REDIC1: variants seen among roughly 807,000 people sequenced by gnomAD.
REDIC1 encodes HEI10 Interacting Protein 1.
the REDIC1 span, among the ~76,000 whole-genome samples, chr12:39,814,718 T>C: frequency 6.6e-6 from 1 of 152,176 alleles, no homozygotes; most frequent in East Asian, 1.9e-4. Flanking sequence ...ACCCTGCCTA[T>C]CCTTCAAGGC....
chr12:39,775,950 C>T, the REDIC1 span, among the ~76,000 whole-genome samples: 1 of 152,172 alleles, frequency 6.6e-6, no homozygotes, highest in Non-Finnish European at 1.5e-5. Flanking sequence ...ATCATGTCAG[C>T]ACTCAAAAAG....
At chr12:39,663,387 T>C in the REDIC1 span, among the ~76,000 whole-genome samples, 1 of 152,072 alleles carries the variant, frequency 6.6e-6, no homozygotes, top group Non-Finnish European at 1.5e-5. Context: ...TTTGAAGTGT[T>C]TTTGACTTAA....
chr12:39,703,793 G>A, the REDIC1 span, among the ~76,000 whole-genome samples: 8 of 152,292 alleles, frequency 5.3e-5, no homozygotes, highest in Admixed American at 3.3e-4. Flanking sequence ...ACAACTATCT[G>A]ATCTTTGACA....
At chr12:39,660,551 A>G in the REDIC1 span, among the ~76,000 whole-genome samples, 1 of 152,062 alleles carries the variant, frequency 6.6e-6, no homozygotes, top group African/African-American at 2.4e-5. Flanking sequence ...TGTACATATT[A>G]CTGGGGTACA....
chr12:39,868,532 T>G, the REDIC1 span, among the ~76,000 whole-genome samples: 1 of 152,202 alleles, frequency 6.6e-6, no homozygotes. Flanking sequence ...TCTAGTTTAG[T>G]AGATCTGGGT....
At chr12:39,655,393 T>C in the REDIC1 span, among the ~76,000 whole-genome samples, 1 of 152,160 alleles carries the variant, frequency 6.6e-6, no homozygotes, top group Non-Finnish European at 1.5e-5. Flanking sequence ...TTTAAACAGC[T>C]AGACCTAATA....
chr12:39,643,115 T>G, the REDIC1 span, among the ~76,000 whole-genome samples: 2 of 151,738 alleles, frequency 1.3e-5, no homozygotes, highest in African/African-American at 4.8e-5. Flanking sequence ...TAATAGTTGC[T>G]TGATAAATAA....
At chr12:39,884,438 A>G in the REDIC1 span, among the ~76,000 whole-genome samples, 4 of 152,352 alleles carry the variant, frequency 2.6e-5, no homozygotes, top group Non-Finnish European at 5.9e-5. Context: ...AACACTACAA[A>G]TAAGTCACAG....
the REDIC1 span, among the ~76,000 whole-genome samples, chr12:39,635,042 A>T: frequency 6.6e-6 from 1 of 152,350 alleles, no homozygotes; most frequent in South Asian, 2.1e-4. Context: ...ATATGCAAAA[A>T]TGCTTATCAT....
At chr12:39,895,772 A>G in the REDIC1 span, among the ~76,000 whole-genome samples, 9 of 77,370 alleles carry the variant, frequency 1.2e-4, no homozygotes, top group East Asian at 3.7e-4. Context: ...ACACACATGT[A>G]TATGCGTGTA....
At chr12:39,874,988 C>T in the REDIC1 span, among the ~76,000 whole-genome samples, 37 of 152,308 alleles carry the variant, frequency 2.4e-4, no homozygotes, top group Non-Finnish European at 4.6e-4. Flanking sequence ...GCAAGAGCTG[C>T]GACTTCAGCC....
chr12:39,824,617 T>C, the REDIC1 span, among the ~76,000 whole-genome samples: 1 of 152,116 alleles, frequency 6.6e-6, no homozygotes, highest in African/African-American at 2.4e-5. Context: ...CTCCTGGAAA[T>C]CTCCAGGCCA....
the REDIC1 span, among the ~76,000 whole-genome samples, chr12:39,886,255 T>A: frequency 6.6e-6 from 1 of 152,116 alleles, no homozygotes; most frequent in Non-Finnish European, 1.5e-5. Flanking sequence ...AATAGTAAAT[T>A]AGGCTGCTGG....
the REDIC1 span, chr12:39,835,657 C>T: frequency 6.6e-6 from 1 of 152,046 alleles, no homozygotes; most frequent in South Asian, 2.1e-4. Context: ...ATTCTGAGCA[C>T]CCAAGGGATA....
At chr12:39,801,451 G>A in the REDIC1 span, among the ~76,000 whole-genome samples, 1 of 151,804 alleles carries the variant, frequency 6.6e-6, no homozygotes, top group Non-Finnish European at 1.5e-5. Context: ...CAGAGAAAAT[G>A]ACAATCTGCT....
chr12:39,710,082 G>C, the REDIC1 span, among the ~76,000 whole-genome samples: 5 of 151,662 alleles, frequency 3.3e-5, no homozygotes, highest in Non-Finnish European at 5.9e-5. Flanking sequence ...TTTACTAATG[G>C]ATTTTGTGAT....
At chr12:39,891,936 G>A in the REDIC1 span, among the ~76,000 whole-genome samples, 2 of 152,126 alleles carry the variant, frequency 1.3e-5, no homozygotes, top group African/African-American at 4.8e-5. Context: ...ACCATAGGAG[G>A]AGAATAATCC....
the REDIC1 span, among the ~76,000 whole-genome samples, chr12:39,647,281 T>A: frequency 1.3e-5 from 2 of 152,080 alleles, no homozygotes; most frequent in Admixed American, 1.3e-4. Flanking sequence ...CCAAGATGAT[T>A]TCTCTTTCAA....
chr12:39,774,105 A>G, the REDIC1 span, among the ~76,000 whole-genome samples: 1 of 152,186 alleles, frequency 6.6e-6, no homozygotes, highest in Non-Finnish European at 1.5e-5. Context: ...ATAGTTCTTT[A>G]TTGATAGAAA....
Sources: allele counts gnomAD v4.1 joint callset (sites outside exome capture counted in the v4.1 genomes callset), GRCh38; gene constraint gnomAD v4.1.1; transcripts MANE v1.5; gene names NCBI Gene and HGNC (gene_info 2026-07-23, HGNC 2026-07-21).